B4GALT2: variants seen among roughly 807,000 people sequenced by gnomAD.
B4GALT2 encodes the protein N-acetyllactosamine synthase.
In B4GALT2, 18 loss-of-function variants were observed where a neutral mutation model predicts 33.2. The ratio of observed to expected loss-of-function variants is 0.54; its 90% CI spans 0.38 to 0.80. The LOEUF (loss-of-function observed/expected upper bound fraction) is 0.80, where lower values mean the gene tolerates loss of function less well. Ranked by LOEUF, B4GALT2 falls within the 30% of genes least tolerant of loss-of-function variation. The pLI, the probability that B4GALT2 is intolerant of heterozygous loss-of-function variation, is 0.00. For missense variants in B4GALT2, 404 were observed against 526.2 expected (o/e 0.77, Z 2.27); for synonymous variants, 214 against 217.6 (o/e 0.98, Z 0.15).
intron 6 of B4GALT2, among the ~76,000 whole-genome samples, chr1:43,989,320 C>CAAAAAAAAAA (rs34161254): frequency 8.5e-6 from 1 of 118,192 alleles, no homozygotes; most frequent in Admixed American, 9.2e-5. Flanking sequence ...TACTCTGTCT[C>CAAAAAAAAAA]AAAAAAAAAA....
At chr1:43,980,099 G>A in intron 1 of B4GALT2, 3 of 1,436,322 alleles carry the variant, frequency 2.1e-6, no homozygotes, top group East Asian at 2.9e-5. Context: ...TGTGACTGTA[G>A]TTCTCTGTGT....
intron 1 of B4GALT2, chr1:43,980,420 C>T (rs374662212): frequency 1.5e-5 from 7 of 468,828 alleles, no homozygotes; most frequent in African/African-American, 1.3e-4. Context: ...CGTATTTTGA[C>T]GTTTTGCTCC....
At chr1:43,985,444 G>GA (rs1553155407) in intron 5 of B4GALT2, 44 bp downstream of exon 5, 1 of 745,906 alleles carries the variant, frequency 1.3e-6, no homozygotes, top group East Asian at 3.1e-5. Context: ...GGGGGGGGGA[G>GA]GGGGGGTGCA....
In B4GALT2 at chr1:43,979,457, G is replaced by A. The variant is rs2085569214; in HGVS notation, c.-107G>A. 1 of 151,802 alleles carries A rather than the reference G, an allele frequency of 6.6e-6. No homozygotes were observed. The highest frequency in any genetic ancestry group is 2.4e-5 in the African/African-American group (1 of 41,264). 9.4% of individuals were successfully genotyped at this position (151,802 alleles called of 1,614,324 possible). ...GACGGAACCGTCCGCAGCCGCCGGA[G>A]CCGGGAGCCCTGCCCAAGTCGGAGC... On this transcript the variant is annotated 5_prime_UTR_variant, in exon 1 of 7. Coordinates refer to ENST00000372324, the MANE Select transcript of B4GALT2 (RefSeq NM_003780.5). The surrounding 1 kb of genome is among the most constrained non-coding windows in gnomAD (Gnocchi z 4.8).
Position 43,981,250 on chromosome 1 carries a change from C to T in B4GALT2, c.90C>T (p.Leu30=). The change falls in exon 2 of 7, where the codon CTC becomes CTT. Residue 30 remains leucine, a synonymous_variant. Coordinates refer to ENST00000372324, the MANE Select transcript of B4GALT2 (RefSeq NM_003780.5). The surrounding 1 kb of genome is among the most constrained non-coding windows in gnomAD (Gnocchi z 8.1). The part of the protein sequence containing the change: ...CLLHFLVAVI[L]YFDVYAQHLA... ...TGCACTTCCTCGTGGCCGTCATCCT[C>T]TACTTTGACGTCTACGCCCAGCACC... The T allele has an allele frequency of 6.2e-7, 1 of 1,606,800 alleles. No individual in the cohort carries two copies. Among genetic ancestry groups the T allele is most frequent in the Non-Finnish European group, 8.5e-7 (1 of 1,179,906 alleles).
At chr1:43,986,892 G>A (rs1403043275) in intron 6 of B4GALT2, among the ~76,000 whole-genome samples, 2 of 152,210 alleles carry the variant, frequency 1.3e-5, no homozygotes, top group South Asian at 4.1e-4. Context: ...GTCCAAGGGA[G>A]CATAGTGGTA....
chr1:43,980,816 A>G (rs2154303162), intron 1 of B4GALT2, among the ~76,000 whole-genome samples: 1 of 152,216 alleles, frequency 6.6e-6, no homozygotes, highest in African/African-American at 2.4e-5. Flanking sequence ...GTGTGTGTGT[A>G]GAGTTGTGCA....
chr1:43,982,034 T>A lies in B4GALT2; in HGVS notation c.549+110T>A. 9.3e-7 allele frequency: 1 copy of A among 1,077,430 alleles called. No individual in the cohort carries two copies. The highest frequency in any genetic ancestry group is 1.3e-6 in the Non-Finnish European group (1 of 742,338). 66.7% of individuals were successfully genotyped at this position (1,077,430 alleles called of 1,614,324 possible). A position where few individuals can be genotyped will look rare whatever the true frequency, so the allele number is the denominator to read the frequency against. ...TGTGGATGGACCTGGGCGTGGGTAG[T>A]CGGTGTTTGTCAGTGTGCACAGGAA... On this transcript the variant is annotated intron_variant, in intron 3 of 6. Coordinates refer to ENST00000372324, the MANE Select transcript of B4GALT2 (RefSeq NM_003780.5). The surrounding 1 kb of genome is among the most constrained non-coding windows in gnomAD (Gnocchi z 4.3).
At position 43,979,261 on chromosome 1, in the gene B4GALT2, TG is replaced by T. The variant is rs1217064740; in HGVS notation, c.-300del. The T allele has an allele frequency of 1.4e-5, 2 of 144,868 alleles. No individual in the cohort carries two copies. The highest frequency in any genetic ancestry group is 5.0e-5 in the African/African-American group (2 of 40,044). The allele number at this position is 144,868 out of a possible 1,614,324, so 9.0% of individuals were successfully genotyped here. On this transcript the variant is annotated 5_prime_UTR_variant, in exon 1 of 7. Transcript: ENST00000372324. The surrounding 1 kb of genome is among the most constrained non-coding windows in gnomAD (Gnocchi z 4.8). The stretch of plus-strand genomic sequence containing the variant: ...AGGGAGGCGGCGGCGCTGTGGTCCG[TG>T]GGTCCGCCGGTCCGTGGGTCTGCCC...
rs892781131 is a variant in B4GALT2 at position 43,979,223 on chromosome 1, G to A, written c.-341G>A. The A allele has an allele frequency of 1.0e-4, 15 of 146,238 alleles. No homozygotes were observed. The highest frequency in any genetic ancestry group is 3.7e-4 in the African/African-American group (15 of 40,818). 9.1% of individuals were successfully genotyped at this position (146,238 alleles called of 1,614,324 possible). Reference sequence around the variant, plus strand: ...CGGGCCGGGCCTGCCCCTCCGAGGCGCCGTAGCGCGGGAGGGAGGCGGCGG... The same window carrying A: ...CGGGCCGGGCCTGCCCCTCCGAGGCACCGTAGCGCGGGAGGGAGGCGGCGG... On this transcript the variant is annotated 5_prime_UTR_variant, in exon 1 of 7. Coordinates refer to ENST00000372324, the MANE Select transcript of B4GALT2 (RefSeq NM_003780.5). The surrounding 1 kb of genome is among the most constrained non-coding windows in gnomAD (Gnocchi z 4.8).
intron 6 of B4GALT2, chr1:43,985,989 G>C (rs2085655207): frequency 3.3e-6 from 1 of 305,544 alleles, no homozygotes; most frequent in South Asian, 3.4e-5. Context: ...TGCCGGGGCA[G>C]ATAGGACACG....
Position 43,985,002 on chromosome 1 carries a change from C to T in B4GALT2, c.687C>T (p.Arg229=), listed in dbSNP as rs774587686. The T allele has an allele frequency of 1.9e-6, 3 of 1,613,166 alleles. No homozygotes were observed. In the South Asian group the frequency reaches 3.3e-5, roughly 18 times the overall value. The change falls in exon 4 of 7, where the codon CGC becomes CGT. Residue 229 remains arginine (R), a synonymous_variant. Coordinates refer to ENST00000372324, the MANE Select transcript of B4GALT2 (RefSeq NM_003780.5). ...CCATGGATGACCGCAACCTATACCGCTGCGGCGACCAACCCCGCCACTTTG... is the reference window on the plus strand; with the variant it reads ...CCATGGATGACCGCAACCTATACCGTTGCGGCGACCAACCCCGCCACTTTG... The part of the protein sequence containing the change: ...LVPMDDRNLY[R]CGDQPRHFAI...
chr1:43,990,383 C>T lies in B4GALT2; in HGVS notation c.1054C>T (p.Gln352Ter). The T allele has an allele frequency of 6.2e-7, 1 of 1,614,182 alleles. No individual in the cohort carries two copies. The highest frequency in any genetic ancestry group is 8.5e-7 in the Non-Finnish European group (1 of 1,180,036). Residue 352 changes from glutamine to a stop codon, truncating the protein, a stop_gained, in exon 7 of 7, where the codon CAA (glutamine) becomes TAA (stop). Transcript: ENST00000372324. LOFTEE classifies it high-confidence loss of function. Reference sequence around the variant, plus strand: ...GTACCAGGTCTTGGAGGTGTCTCGGCAACCACTCTTCACCAATATCACAGT... The same window carrying T: ...GTACCAGGTCTTGGAGGTGTCTCGGTAACCACTCTTCACCAATATCACAGT... ...VRYQVLEVSRQPLFTNITVDI... is the reference protein window; with the variant it reads ...VRYQVLEVSR
intron 6 of B4GALT2, among the ~76,000 whole-genome samples, chr1:43,987,524 T>C (rs2085672089): frequency 6.6e-6 from 1 of 152,076 alleles, no homozygotes; most frequent in Admixed American, 6.6e-5. Context: ...ACCCTACATA[T>C]CCAAACCCAT....
rs1408147631 is a variant in B4GALT2, at chr1:43,990,220, A to AAAT, written c.969-78_969-77insAAT. 1.9e-6 allele frequency: 3 copies of AAAT among 1,559,394 alleles called. No homozygotes were observed. The African/African-American group carries it at 4.1e-5, about 21-fold the overall frequency. ...CCCTTGGCCAAAAGGGGGTCCATTT[A>AAAT]GTTGGTTGGGGGGTGTAGGATTTTA... On this transcript the variant is annotated intron_variant, in intron 6 of 6. Coordinates refer to ENST00000372324, the MANE Select transcript of B4GALT2 (RefSeq NM_003780.5).
rs762935060 is a variant in B4GALT2 at position 43,981,949 on chromosome 1, C to T, written c.549+25C>T. ...GGTGCCCATGCGGGGGTCCATGTGC[C>T]TGTTGGTGTATATATGTGGGTTGGG... On this transcript the variant is annotated intron_variant, in intron 3 of 6. Coordinates refer to ENST00000372324, the MANE Select transcript of B4GALT2 (RefSeq NM_003780.5). This position sits in a 1 kb window ranked among gnomAD's most constrained non-coding sequence, Gnocchi z 8.1. 3 of 1,608,630 alleles carry T rather than the reference C, an allele frequency of 1.9e-6. No homozygotes were observed. Among genetic ancestry groups the T allele is most frequent in the Non-Finnish European group, 2.6e-6 (3 of 1,175,992 alleles).
Position 43,990,613 on chromosome 1 carries a change from C to T in B4GALT2, c.*165C>T, listed in dbSNP as rs1571812853. ...CTACACCTGGAAGTTTCAGAACCCA[C>T]TTTGGGGGGCCTCCTGCCTGGGCAG... On this transcript the variant is annotated 3_prime_UTR_variant, in exon 7 of 7. Transcript: ENST00000372324. The T allele has an allele frequency of 1.0e-6, 1 of 977,786 alleles. No individual in the cohort carries two copies. Among genetic ancestry groups the T allele is most frequent in the East Asian group, 2.6e-5 (1 of 38,344 alleles). 60.6% of individuals were successfully genotyped at this position (977,786 alleles called of 1,614,324 possible).
chr1:43,990,498 G>T lies in B4GALT2; in HGVS notation c.*50G>T. ...GCCGAAGATTGCCTGCCAGAGGACT[G>T]ACCACAGCCTGGCTGGCAGCTGCTC... On this transcript the variant is annotated 3_prime_UTR_variant, in exon 7 of 7. Coordinates refer to ENST00000372324, the MANE Select transcript of B4GALT2 (RefSeq NM_003780.5). The T allele has an allele frequency of 1.2e-6, 2 of 1,608,548 alleles. No individual in the cohort carries two copies. Among genetic ancestry groups the T allele is most frequent in the South Asian group, 2.2e-5 (2 of 90,818 alleles).
chr1:43,989,545 G>A (rs12738136), intron 6 of B4GALT2, among the ~76,000 whole-genome samples: 88,540 of 152,054 alleles, frequency 0.58, 30,418 homozygotes, highest in Non-Finnish European at 0.76. Context: ...TATTTACGGA[G>A]GGGGTCCTGA....
Sources: allele counts gnomAD v4.1 joint callset (sites outside exome capture counted in the v4.1 genomes callset), GRCh38; gene constraint gnomAD v4.1.1; non-coding constraint Gnocchi (gnomAD v3.1); transcripts MANE v1.5; gene names NCBI Gene and HGNC (gene_info 2026-07-23, HGNC 2026-07-21).